The following SLC6A16 variants were observed in gnomAD, a reference collection of about 807,000 sequenced individuals.
The protein encoded by SLC6A16 is solute carrier family 6 member 16, also known as orphan sodium- and chloride-dependent neurotransmitter transporter NTT5.
In SLC6A16, 54 loss-of-function variants were observed where a neutral mutation model predicts 65.4. The observed-to-expected ratio is 0.83, with a 90% confidence interval of 0.66 to 1.04. The LOEUF is 1.04. Among genes scored for constraint, SLC6A16 ranks in the 50% least tolerant of loss-of-function variants. SLC6A16 has a pLI of 0.00. For missense variants in SLC6A16, 816 were observed against 914.0 expected, an observed-to-expected ratio of 0.89 and a Z score of 1.38; for synonymous variants, 330 against 346.5, an observed-to-expected ratio of 0.95 and a Z score of 0.53.
the SLC6A16 span, chr19:49,335,671 T>G: frequency 3.1e-6 from 5 of 1,611,302 alleles, no homozygotes; most frequent in East Asian, 8.9e-5. The surrounding 1 kb of genome is among the most constrained non-coding windows in gnomAD (Gnocchi z 4.6). Flanking sequence ...AGCCCTCATC[T>G]TCCCCTGTGG....
chr19:49,330,446 G>T, the SLC6A16 span, among the ~76,000 whole-genome samples: 1 of 152,144 alleles, frequency 6.6e-6, no homozygotes, highest in Admixed American at 6.5e-5. Flanking sequence ...AGTGTAGCTA[G>T]AAAGGGCTAG....
At chr19:49,335,672 T>A in the SLC6A16 span, 9 of 1,611,598 alleles carry the variant, frequency 5.6e-6, no homozygotes, top group Admixed American at 1.0e-4. The surrounding 1 kb of genome is among the most constrained non-coding windows in gnomAD (Gnocchi z 4.6). Flanking sequence ...GCCCTCATCT[T>A]CCCCTGTGGC....
rs183789496 is a variant in SLC6A16 at position 49,319,288 on chromosome 19, C to T, written c.-65+5760G>A. On this transcript the variant is annotated intron_variant, in intron 1 of 11. Transcript: ENST00000335875. ...AAATGAAACCAGGCCAATTTTCCAA[C>T]AAGCCAGATGCCCATAGAACTGAAG... Among the ~76,000 whole-genome samples, 210 of 151,982 alleles carry T rather than the reference C, an allele frequency of 1.4e-3. 2 individuals are homozygous for T. The highest frequency in any genetic ancestry group is 4.8e-3 in the African/African-American group (201 of 41,460).
chr19:49,307,885 A>G (rs2146120473), intron 7 of SLC6A16, among the ~76,000 whole-genome samples: 1 of 151,234 alleles, frequency 6.6e-6, no homozygotes, highest in South Asian at 2.1e-4. Context: ...ACCAGTTAGC[A>G]CAAGTTTTTG....
At chr19:49,293,764 A>G in intron 9 of SLC6A16, 63 bp downstream of exon 9, 1 of 1,458,192 alleles carries the variant, frequency 6.9e-7, no homozygotes, top group Non-Finnish European at 9.6e-7. Flanking sequence ...TGTCCCAAAA[A>G]AAGAGTCCCA....
chr19:49,325,167 C>A lies in SLC6A16; in HGVS notation c.-184G>T, dbSNP rs1280313088. On this transcript the variant is annotated 5_prime_UTR_variant, in exon 1 of 12. Coordinates refer to ENST00000335875, the MANE Select transcript of SLC6A16 (RefSeq NM_014037.3). ...CAGGCCCCTTCAGGCGTCGACAGAT[C>A]GGTTTGGGCGACACCCCTCGATCTG... 6 of 985,488 alleles carry A rather than the reference C, an allele frequency of 6.1e-6. No homozygotes were observed. Among genetic ancestry groups the A allele is most frequent in the Non-Finnish European group, 7.2e-6 (6 of 829,946 alleles). 61.0% of individuals were successfully genotyped at this position (985,488 alleles called of 1,614,324 possible).
At chr19:49,294,705 G>A (rs1213262098) in intron 7 of SLC6A16, 152 bp from the exon 8 acceptor site, 15 of 679,442 alleles carry the variant, frequency 2.2e-5, no homozygotes, top group South Asian at 4.6e-5. Context: ...GAAGGCACCC[G>A]CCTTCAGGGA....
At chr19:49,310,781 A>T in intron 2 of SLC6A16, 152 bp downstream of exon 2, 1 of 736,062 alleles carries the variant, frequency 1.4e-6, no homozygotes, top group Non-Finnish European at 2.3e-6. Flanking sequence ...ACCTCTCATG[A>T]TCCTAAGTGT....
chr19:49,338,048 G>A, the SLC6A16 span: 1 of 1,611,676 alleles, frequency 6.2e-7, no homozygotes, highest in Non-Finnish European at 8.5e-7. This position sits in a 1 kb window ranked among gnomAD's most constrained non-coding sequence, Gnocchi z 5.0. Flanking sequence ...CCCTCCTCCA[G>A]TTCCCTCCCG....
At position 49,290,129 on chromosome 19, in the gene SLC6A16, A is replaced by C. The variant is rs769882881; in HGVS notation, c.2205T>G (p.Thr735=). The C allele has an allele frequency of 1.2e-6, 2 of 1,613,710 alleles. No homozygotes were observed. Among genetic ancestry groups the C allele is most frequent in the Non-Finnish European group, 1.7e-6 (2 of 1,179,840 alleles). ...TGAAGCCAAATTAATGAAGTTAGGA[A>C]GTCACATTACAAGTTGATGGGTACT... ...ETKYPSTCNV[T]S Residue 735 remains threonine (T), a synonymous_variant, in exon 12 of 12, where the codon ACT becomes ACG. Coordinates refer to ENST00000335875, the MANE Select transcript of SLC6A16 (RefSeq NM_014037.3).
At chr19:49,323,574 G>A (rs955566683) in intron 1 of SLC6A16, among the ~76,000 whole-genome samples, 3 of 152,118 alleles carry the variant, frequency 2.0e-5, no homozygotes, top group Non-Finnish European at 2.9e-5. Context: ...ATTTCTCCAA[G>A]GAAGATATAC....
At chr19:49,315,660 T>C (rs946834368) in intron 1 of SLC6A16, among the ~76,000 whole-genome samples, 1 of 152,050 alleles carries the variant, frequency 6.6e-6, no homozygotes, top group African/African-American at 2.4e-5. Flanking sequence ...ATATAATTAG[T>C]CACATTGATA....
intron 10 of SLC6A16, 144 bp downstream of exon 10, chr19:49,293,079 G>T: frequency 1.5e-6 from 1 of 667,940 alleles, no homozygotes. Context: ...GAAAATGGAT[G>T]AATGAATAAA....
rs188668972 is a variant in SLC6A16, at chr19:49,292,103, C to T, written c.1778+1120G>A. ...ACATAGCTTTCACCAGGCGGGGTGGCTCACGCATGTAATCCTAGCACTTTG... is the reference window on the plus strand; with the variant it reads ...ACATAGCTTTCACCAGGCGGGGTGGTTCACGCATGTAATCCTAGCACTTTG... On this transcript the variant is annotated intron_variant, in intron 10 of 11. Coordinates refer to ENST00000335875, the MANE Select transcript of SLC6A16 (RefSeq NM_014037.3). The surrounding 1 kb of genome is among the most constrained non-coding windows in gnomAD (Gnocchi z 4.3). 6.6e-6 allele frequency among the ~76,000 whole-genome samples: 1 copy of T among 152,318 alleles called. No homozygotes were observed. Among genetic ancestry groups the T allele is most frequent in the Admixed American group, 6.5e-5 (1 of 15,296 alleles).
At chr19:49,309,141 A>T in intron 6 of SLC6A16, 24 bp from the exon 7 acceptor site, 1 of 1,611,410 alleles carries the variant, frequency 6.2e-7, no homozygotes, top group Non-Finnish European at 8.5e-7. Flanking sequence ...GACAAGCATA[A>T]GGGGGTTGTA....
chr19:49,324,927 C>T, intron 1 of SLC6A16, 121 bp downstream of exon 1: 1 of 553,480 alleles, frequency 1.8e-6, no homozygotes, highest in Non-Finnish European at 2.3e-6. Context: ...CAGGAGGCTC[C>T]CAGCCAGTCA....
At chr19:49,309,852 C>T (rs750189599) in intron 4 of SLC6A16, 26 bp from the exon 5 acceptor site, 1 of 1,601,934 alleles carries the variant, frequency 6.2e-7, no homozygotes. Context: ...TTTAGACATG[C>T]CTGCTAGACA....
the SLC6A16 span, chr19:49,337,632 A>C: frequency 4.0e-6 from 6 of 1,491,312 alleles, no homozygotes; most frequent in Non-Finnish European, 5.4e-6. Context: ...ATAGAAAGAC[A>C]CACCGACCTG....
intron 1 of SLC6A16, among the ~76,000 whole-genome samples, chr19:49,322,729 T>C (rs2146178958): frequency 7.7e-6 from 1 of 129,532 alleles, no homozygotes; most frequent in African/African-American, 2.9e-5. Flanking sequence ...GAGACATAAA[T>C]AAATGGAAAA....
Sources: gnomAD v4.1 joint callset for allele counts (sites outside exome capture counted in the v4.1 genomes callset) on GRCh38, gnomAD v4.1.1 for gene constraint, Gnocchi (gnomAD v3.1) non-coding constraint, MANE v1.5 for transcripts, NCBI Gene and HGNC (gene_info 2026-07-23, HGNC 2026-07-21) for gene names.